UNC93A: variants seen among roughly 807,000 people sequenced by gnomAD.
The protein encoded by UNC93A is N-acetylglucosamine transporter UNC93A.
UNC93A carries 43 observed loss-of-function variants against 47.5 expected under a neutral mutation model. That is an observed-to-expected ratio of 0.91 (90% CI 0.71 to 1.17). The LOEUF (loss-of-function observed/expected upper bound fraction) is 1.17. Ranked by LOEUF, UNC93A falls within the 50% of genes most tolerant of loss-of-function variation. UNC93A has a pLI of 0.00. For synonymous variants in UNC93A, 280 were observed against 258.0 expected (o/e 1.09, Z -0.82); for missense variants, 605 against 577.6 (o/e 1.05, Z -0.49).
upstream of UNC93A, among the ~76,000 whole-genome samples, chr6:167,287,241 C>T (rs548130143): frequency 1.1e-4 from 17 of 152,230 alleles, no homozygotes; most frequent in Non-Finnish European, 2.4e-4. Context: ...CCACTTGCTC[C>T]AGTTTGCAGG....
intron 2 of UNC93A, among the ~76,000 whole-genome samples, chr6:167,295,420 C>G (rs867428415): frequency 0.015 from 1,981 of 134,210 alleles, 85 homozygotes; most frequent in African/African-American, 0.059. Context: ...CTCCTCGCCT[C>G]CCTCGTGATC....
intron 5 of UNC93A, among the ~76,000 whole-genome samples, chr6:167,305,462 G>A (rs1023094613): frequency 2.6e-5 from 4 of 152,130 alleles, no homozygotes; most frequent in Non-Finnish European, 4.4e-5. Context: ...AGTGTGGTGC[G>A]GTGGGCATGA....
rs146606606 is a variant in UNC93A at position 167,294,037 on chromosome 6, C to T, written c.88-480C>T. The stretch of plus-strand genomic sequence containing the variant: ...ACAGTGACGGGCACTCGGAGGCGGG[C>T]GATGGATATTTGGTGAAGGAAGAAA... On this transcript the variant is annotated intron_variant, in intron 1 of 7. Coordinates refer to ENST00000230256, the MANE Select transcript of UNC93A (RefSeq NM_018974.4). Among the ~76,000 whole-genome samples the T allele has an allele frequency of 4.7e-4, 71 of 152,310 alleles. 1 individual carries two copies. The highest frequency in any genetic ancestry group is 1.6e-3 in the African/African-American group (67 of 41,564).
intron 1 of UNC93A, 33 bp downstream of exon 1, chr6:167,291,609 T>G (rs1466308248): frequency 6.3e-7 from 1 of 1,576,866 alleles, no homozygotes; most frequent in African/African-American, 1.4e-5. Context: ...TTACCTGAAC[T>G]TCTTGGCCTC....
intron 4 of UNC93A, among the ~76,000 whole-genome samples, chr6:167,302,677 A>C (rs1274575387): frequency 6.6e-6 from 1 of 152,222 alleles, no homozygotes; most frequent in Non-Finnish European, 1.5e-5. Flanking sequence ...TTTTGGAATT[A>C]TGAGAAAGTA....
At position 167,299,983 on chromosome 6, in the gene UNC93A, G is replaced by A. The variant is rs572750524; in HGVS notation, c.625+1913G>A. On this transcript the variant is annotated intron_variant, in intron 4 of 7. Transcript: ENST00000230256. ...AGGACGGAGTGCTGAGTCCAGAGGAGGGAGCAGGTACGGGGAGGCAGAGAT... is the reference window on the plus strand; with the variant it reads ...AGGACGGAGTGCTGAGTCCAGAGGAAGGAGCAGGTACGGGGAGGCAGAGAT... 2.0e-5 allele frequency among the ~76,000 whole-genome samples: 3 copies of A among 152,308 alleles called. No homozygotes were observed. The East Asian group carries it at 5.8e-4, about 29-fold the overall frequency.
chr6:167,308,248 C>T (rs1207111416), intron 7 of UNC93A, among the ~76,000 whole-genome samples: 1 of 152,148 alleles, frequency 6.6e-6, no homozygotes, highest in East Asian at 1.9e-4. Context: ...GACTGAAAAC[C>T]TTTATTCAGA....
At chr6:167,299,424 C>A (rs1778180398) in intron 4 of UNC93A, among the ~76,000 whole-genome samples, 1 of 152,108 alleles carries the variant, frequency 6.6e-6, no homozygotes, top group South Asian at 2.1e-4. Context: ...CCCCTCAGGC[C>A]ACTTCCACAT....
chr6:167,269,997 C>G (rs1287050863), upstream of UNC93A, among the ~76,000 whole-genome samples: 1 of 137,936 alleles, frequency 7.2e-6, no homozygotes, highest in African/African-American at 2.8e-5. Context: ...TGCAGCTGGC[C>G]CTGGTAGAAA....
intron 2 of UNC93A, among the ~76,000 whole-genome samples, chr6:167,295,779 A>G (rs1293448018): frequency 2.0e-5 from 3 of 152,054 alleles, no homozygotes; most frequent in Admixed American, 6.5e-5. Flanking sequence ...TTGCAATCGC[A>G]TCCGATACAA....
In UNC93A at chr6:167,304,019, G is replaced by T; in HGVS notation, c.726G>T (p.Trp242Cys). The change falls in exon 5 of 8, where the codon TGG becomes TGT. Residue 242 changes from tryptophan to cysteine, a missense_variant. Coordinates refer to ENST00000230256, the MANE Select transcript of UNC93A (RefSeq NM_018974.4). Reference protein sequence around the residue: ...SEGEKKSVPFWSTLLSTFKLY... With the variant: ...SEGEKKSVPFCSTLLSTFKLY... ...GAGAGAAGAAATCAGTACCTTTCTG[G>T]TCCACTTTACTGTCGACTTTCAAGC... 6.2e-7 allele frequency: 1 copy of T among 1,613,772 alleles called. No individual in the cohort carries two copies. The highest frequency in any genetic ancestry group is 1.6e-4 in the Middle Eastern group (1 of 6,062).
chr6:167,304,547 ATC>A (rs1778328421), intron 5 of UNC93A, among the ~76,000 whole-genome samples: 1 of 138,290 alleles, frequency 7.2e-6, no homozygotes, highest in African/African-American at 2.7e-5. Context: ...AAAATTTCTT[ATC>A]TCTCTAGTTT....
At chr6:167,312,970 C>A (rs183226657) in intron 7 of UNC93A, among the ~76,000 whole-genome samples, 3 of 152,176 alleles carry the variant, frequency 2.0e-5, no homozygotes, top group Non-Finnish European at 4.4e-5. Flanking sequence ...GTGGGACAAA[C>A]GGTTTCCCCT....
At chr6:167,297,756 G>A (rs892450121) in intron 3 of UNC93A, among the ~76,000 whole-genome samples, 189 bp from the exon 4 acceptor site, 3 of 152,192 alleles carry the variant, frequency 2.0e-5, no homozygotes, top group Non-Finnish European at 4.4e-5. Context: ...GTCTTAAATC[G>A]AGTCTAGGGA....
At chr6:167,287,418 C>T (rs1232606688), upstream of UNC93A, among the ~76,000 whole-genome samples, 1 of 152,110 alleles carries the variant, frequency 6.6e-6, no homozygotes, top group Non-Finnish European at 1.5e-5. Flanking sequence ...GTTTTGGGAT[C>T]GCACTTCTTC....
intron 1 of UNC93A, among the ~76,000 whole-genome samples, chr6:167,285,662 C>A (rs1368157478): frequency 6.6e-6 from 1 of 151,446 alleles, no homozygotes; most frequent in Non-Finnish European, 1.5e-5. Context: ...TCTTTATAAC[C>A]CACTGGGGTG....
In UNC93A at chr6:167,307,877, G is replaced by A. The variant is rs377435611; in HGVS notation, c.1075G>A (p.Val359Met). The part of the protein sequence containing the change: ...VFFVFSGLWG[V>M]ADAVWQTQNN... ...CTTCGTATTCTCTGGCCTGTGGGGC[G>A]TGGCAGATGCCGTCTGGCAGACACA... The change falls in exon 7 of 8, where the codon GTG (valine) becomes ATG (methionine). Residue 359 changes from valine (V) to methionine (M), a missense_variant. Val to Met is a conservative substitution (Grantham distance 21). Coordinates refer to ENST00000230256, the MANE Select transcript of UNC93A (RefSeq NM_018974.4). 1.6e-3 allele frequency: 2,513 copies of A among 1,613,918 alleles called. 48 individuals carry two copies. In the South Asian group the frequency reaches 0.026, roughly 17 times the overall value.
chr6:167,293,956 G>A (rs1777971377), intron 1 of UNC93A, among the ~76,000 whole-genome samples: 1 of 152,156 alleles, frequency 6.6e-6, no homozygotes, highest in Non-Finnish European at 1.5e-5. Flanking sequence ...CAGTGGTGGC[G>A]GCCTGCAGTT....
intron 7 of UNC93A, among the ~76,000 whole-genome samples, chr6:167,313,684 T>C (rs1399473974): frequency 2.0e-5 from 3 of 152,144 alleles, no homozygotes; most frequent in Non-Finnish European, 4.4e-5. Context: ...GTCCATTGGC[T>C]CTGGTTTTCC....
Sources: gnomAD v4.1 joint callset for allele counts (sites outside exome capture counted in the v4.1 genomes callset) on GRCh38, gnomAD v4.1.1 for gene constraint, MANE v1.5 for transcripts, NCBI Gene and HGNC (gene_info 2026-07-23, HGNC 2026-07-21) for gene names.